Variants in EPHA5 observed in about 807,000 individuals in gnomAD.
The protein encoded by EPHA5 is ephrin type-A receptor 5.
EPHA5 carries 60 observed loss-of-function variants against 105.0 expected under a neutral mutation model. The observed-to-expected ratio is 0.57, with a 90% CI of 0.46 to 0.71. The LOEUF is 0.71. Ranked by LOEUF, EPHA5 falls within the 30% of genes least tolerant of loss-of-function variation. EPHA5 has a pLI of 0.00. For synonymous variants in EPHA5, 513 were observed against 449.1 expected (o/e 1.14, Z -1.80); for missense variants, 1,218 against 1,274.7 (o/e 0.96, Z 0.68).
Position 65,323,971 on chromosome 4 carries a change from A to G in EPHA5, c.*143T>C, listed in dbSNP as rs1417519036. Reference sequence around the variant, plus strand: ...TGGATACTTCAGTAAAACCATGATTACAAATTCTGTGGCTGAGGCAAATGT... The same window carrying G: ...TGGATACTTCAGTAAAACCATGATTGCAAATTCTGTGGCTGAGGCAAATGT... On this transcript the variant is annotated 3_prime_UTR_variant, in exon 17 of 17. Transcript: ENST00000613740. 3 of 573,784 alleles carry G rather than the reference A, an allele frequency of 5.2e-6. No homozygotes were observed. The highest frequency in any genetic ancestry group is 3.1e-6 in the Non-Finnish European group (1 of 325,438). 35.5% of individuals were successfully genotyped at this position (573,784 alleles called of 1,614,324 possible).
Position 65,347,303 on chromosome 4 carries a change from CAATA to C in EPHA5, c.2595+747_2595+750del, listed in dbSNP as rs1254174319. 2.6e-5 allele frequency among the ~76,000 whole-genome samples: 4 copies of C among 152,052 alleles called. No individual in the cohort carries two copies. The East Asian group carries it at 7.7e-4, about 29-fold the overall frequency. On this transcript the variant is annotated intron_variant, in intron 14 of 16. Coordinates refer to ENST00000613740, the MANE Select transcript of EPHA5 (RefSeq NM_001281766.3). ...TAGTGTATGTCTCATGATAAGGGCTCAATAAATGTTAGCTGCTTTTATAATTGTT... is the reference window on the plus strand; with the variant it reads ...TAGTGTATGTCTCATGATAAGGGCTCAATGTTAGCTGCTTTTATAATTGTT...
intron 2 of EPHA5, among the ~76,000 whole-genome samples, chr4:65,633,109 A>G (rs1012241247): frequency 6.6e-6 from 1 of 152,054 alleles, no homozygotes; most frequent in African/African-American, 2.4e-5. Context: ...AGCACTGAAC[A>G]ACACAAAAAA....
At chr4:65,630,016 G>T (rs548273231) in intron 2 of EPHA5, among the ~76,000 whole-genome samples, 1 of 151,972 alleles carries the variant, frequency 6.6e-6, no homozygotes, top group South Asian at 2.1e-4. Flanking sequence ...ACTGTAGGTA[G>T]CTTGTCAGAC....
chr4:65,440,309 T>C (rs1296251717), intron 5 of EPHA5, among the ~76,000 whole-genome samples: 1 of 151,952 alleles, frequency 6.6e-6, no homozygotes, highest in African/African-American at 2.4e-5. Context: ...TCAATAAATA[T>C]ATAAGTAATA....
intron 5 of EPHA5, among the ~76,000 whole-genome samples, chr4:65,440,377 G>A (rs1010571430): frequency 3.3e-5 from 5 of 151,746 alleles, no homozygotes; most frequent in African/African-American, 9.7e-5. Flanking sequence ...CTGGAGATAT[G>A]GATACATATT....
intron 8 of EPHA5, among the ~76,000 whole-genome samples, chr4:65,371,928 A>G (rs1369075030): frequency 6.6e-6 from 1 of 152,010 alleles, no homozygotes; most frequent in Non-Finnish European, 1.5e-5. Flanking sequence ...ATACTCCTGT[A>G]TTGTTTCTCT....
At chr4:65,562,572 G>A (rs554807295) in intron 3 of EPHA5, among the ~76,000 whole-genome samples, 1 of 152,034 alleles carries the variant, frequency 6.6e-6, no homozygotes, top group Non-Finnish European at 1.5e-5. Context: ...GTTTGCAACT[G>A]TATATCCATG....
At chr4:65,450,474 C>G (rs1022662119) in intron 5 of EPHA5, among the ~76,000 whole-genome samples, 1 of 152,118 alleles carries the variant, frequency 6.6e-6, no homozygotes, top group East Asian at 1.9e-4. Flanking sequence ...TGCAAAGCCA[C>G]CCATGACCAT....
chr4:65,438,262 A>C (rs1284303346), intron 5 of EPHA5, among the ~76,000 whole-genome samples: 4 of 151,994 alleles, frequency 2.6e-5, no homozygotes, highest in Non-Finnish European at 5.9e-5. Flanking sequence ...AATTGAAGCC[A>C]AGATTATTGC....
At chr4:65,574,453 A>G in intron 3 of EPHA5, 1 of 357,262 alleles carries the variant, frequency 2.8e-6, no homozygotes, top group Non-Finnish European at 4.7e-6. Flanking sequence ...GCTCTACATT[A>G]AGAAAATAAT....
intron 3 of EPHA5, among the ~76,000 whole-genome samples, chr4:65,506,421 C>T (rs1733030993): frequency 6.9e-6 from 1 of 145,470 alleles, no homozygotes; most frequent in Non-Finnish European, 1.5e-5. Flanking sequence ...TGAGGAATCG[C>T]CACACTGTCT....
At chr4:65,381,889 T>TCA (rs1356127310) in intron 8 of EPHA5, among the ~76,000 whole-genome samples, 1 of 151,736 alleles carries the variant, frequency 6.6e-6, no homozygotes, top group Non-Finnish European at 1.5e-5. Context: ...AAGAGAGCCC[T>TCA]CACTAGGAAT....
At chr4:65,395,879 A>C (rs983407764) in intron 8 of EPHA5, among the ~76,000 whole-genome samples, 18 of 152,222 alleles carry the variant, frequency 1.2e-4, no homozygotes, top group African/African-American at 4.1e-4. Flanking sequence ...GTCTGGAATG[A>C]CCACTGCAAA....
rs145816997 is a variant in EPHA5, at chr4:65,533,951, A to AAAAGAAAG, written c.911-38416_911-38409dup. On this transcript the variant is annotated intron_variant, in intron 3 of 16. Coordinates refer to ENST00000613740, the MANE Select transcript of EPHA5 (RefSeq NM_001281766.3). ...CCATCTCAAAAAAAAATAAATAAAT[A>AAAAGAAAG]AAAGAAAGAAAGAAAGAAAGAAAAG... Among the ~76,000 whole-genome samples the AAAAGAAAG allele has an allele frequency of 6.6e-3, 991 of 149,952 alleles. 6 individuals are homozygous for AAAAGAAAG. Among genetic ancestry groups the AAAAGAAAG allele is most frequent in the African/African-American group, 0.02 (801 of 40,734 alleles).
intron 15 of EPHA5, among the ~76,000 whole-genome samples, chr4:65,333,513 G>A (rs1220446504): frequency 7.1e-6 from 1 of 141,736 alleles, no homozygotes; most frequent in East Asian, 2.2e-4. Flanking sequence ...TCACAATTGT[G>A]TGCGTGTGCG....
chr4:65,594,853 T>C (rs1234926220), intron 3 of EPHA5, among the ~76,000 whole-genome samples: 1 of 152,178 alleles, frequency 6.6e-6, no homozygotes, highest in Non-Finnish European at 1.5e-5. Flanking sequence ...ATGTTTGATA[T>C]GCATGCATTT....
At chr4:65,506,971 G>A (rs1442826977) in intron 3 of EPHA5, among the ~76,000 whole-genome samples, 1 of 152,126 alleles carries the variant, frequency 6.6e-6, no homozygotes, top group Non-Finnish European at 1.5e-5. Flanking sequence ...TATTGCCTAG[G>A]TTTTCTTCTA....
intron 8 of EPHA5, among the ~76,000 whole-genome samples, chr4:65,400,733 G>A (rs1214127732): frequency 6.6e-6 from 1 of 151,970 alleles, no homozygotes; most frequent in Non-Finnish European, 1.5e-5. Flanking sequence ...AATACCCAGT[G>A]TGTCATCATT....
intron 16 of EPHA5, chr4:65,331,233 A>C: frequency 9.7e-7 from 1 of 1,030,102 alleles, no homozygotes; most frequent in Non-Finnish European, 1.2e-6. Context: ...CCATAAAGAC[A>C]GTTAATTTTC....
Sources: allele counts gnomAD v4.1 joint callset (sites outside exome capture counted in the v4.1 genomes callset), GRCh38; gene constraint gnomAD v4.1.1; transcripts MANE v1.5; gene names NCBI Gene and HGNC (gene_info 2026-07-23, HGNC 2026-07-21).